Variants in DLEC1 observed in about 807,000 individuals in gnomAD.
DLEC1 encodes deleted in lung and esophageal cancer protein 1.
DLEC1 carries 146 observed loss-of-function variants against 198.1 expected under a neutral mutation model. That is an observed-to-expected ratio of 0.74 (90% confidence interval 0.64 to 0.85). DLEC1 has a LOEUF of 0.85. DLEC1 is among the 40% of genes least tolerant of loss of function. DLEC1 has a pLI of 0.00. For missense variants in DLEC1, 2,233 were observed against 2,220.0 expected, an observed-to-expected ratio of 1.01 and a Z score of -0.12; for synonymous variants, 897 against 866.8, an observed-to-expected ratio of 1.03 and a Z score of -0.61.
Position 38,097,244 on chromosome 3 carries a change from C to A in DLEC1, c.2403C>A (p.Ile801=). The change falls in exon 16 of 37, where the codon ATC becomes ATA. Residue 801 remains isoleucine, a synonymous_variant. Transcript: ENST00000308059. ...YLWGKISDCH[I]IEVEPGTGVI... is the part of the protein sequence containing the mutation. Reference sequence around the variant, plus strand: ...GGGGGAAGATCAGCGACTGCCACATCATTGAAGTGGAGCCCGGCACAGGGG... The same window carrying A: ...GGGGGAAGATCAGCGACTGCCACATAATTGAAGTGGAGCCCGGCACAGGGG... 2 of 1,586,584 alleles carry A rather than the reference C, an allele frequency of 1.3e-6. No individual in the cohort carries two copies. The highest frequency in any genetic ancestry group is 1.1e-5 in the South Asian group (1 of 87,264).
chr3:38,061,006 A>G (rs1463570588), intron 3 of DLEC1, among the ~76,000 whole-genome samples: 1 of 152,070 alleles, frequency 6.6e-6, no homozygotes, highest in East Asian at 1.9e-4. Context: ...TTTTAAAGTT[A>G]GTTGGAAACT....
rs373114002 is a variant in DLEC1, at chr3:38,084,226, A to G, written c.1242A>G (p.Pro414=). The G allele has an allele frequency of 5.6e-6, 9 of 1,612,600 alleles. No individual in the cohort carries two copies. The highest frequency in any genetic ancestry group is 1.7e-4 in the Middle Eastern group (1 of 6,044). ...RYLRVLPPST[P]YFALGLGMFP... Reference sequence around the variant, plus strand: ...TGCGAGTCCTCCCGCCTTCCACGCCATACTTCGCTCTGGGACTGGGTAAGT... The same window carrying G: ...TGCGAGTCCTCCCGCCTTCCACGCCGTACTTCGCTCTGGGACTGGGTAAGT... The change falls in exon 7 of 37, where the codon CCA becomes CCG. Residue 414 remains proline (P), a synonymous_variant. Coordinates refer to ENST00000308059, the MANE Select transcript of DLEC1 (RefSeq NM_007335.4).
chr3:38,077,400 C>T (rs1338169279), intron 6 of DLEC1, among the ~76,000 whole-genome samples: 1 of 152,208 alleles, frequency 6.6e-6, no homozygotes, highest in Non-Finnish European at 1.5e-5. Context: ...TACCTTGTAG[C>T]ATTCCGAGGA....
intron 2 of DLEC1, among the ~76,000 whole-genome samples, chr3:38,056,646 A>G (rs1251671173): frequency 6.6e-6 from 1 of 152,240 alleles, no homozygotes; most frequent in Admixed American, 6.5e-5. Context: ...ATTTTGAAAT[A>G]AAAAGTAAAA....
At chr3:38,092,081 G>C (rs1460247554) in intron 10 of DLEC1, among the ~76,000 whole-genome samples, 1 of 152,172 alleles carries the variant, frequency 6.6e-6, no homozygotes, top group Non-Finnish European at 1.5e-5. Flanking sequence ...GGGCTCAAAA[G>C]ATACCATTTA....
intron 6 of DLEC1, among the ~76,000 whole-genome samples, chr3:38,081,607 G>C (rs1410213125): frequency 9.6e-6 from 1 of 103,934 alleles, no homozygotes; most frequent in Non-Finnish European, 1.9e-5. Flanking sequence ...GCGGCTGGCC[G>C]GGCGGAGGGC....
intron 6 of DLEC1, among the ~76,000 whole-genome samples, chr3:38,077,037 A>G (rs996090056): frequency 2.6e-5 from 4 of 152,186 alleles, no homozygotes; most frequent in African/African-American, 9.7e-5. Context: ...TAAGAGAAGG[A>G]GAAAAACAGA....
intron 6 of DLEC1, among the ~76,000 whole-genome samples, chr3:38,074,377 G>C (rs1385042702): frequency 6.6e-6 from 1 of 152,230 alleles, no homozygotes; most frequent in Non-Finnish European, 1.5e-5. Context: ...AATGTCAGGA[G>C]TGGATTGGGT....
chr3:38,049,172 G>A (rs902879964), intron 2 of DLEC1, among the ~76,000 whole-genome samples: 1 of 151,858 alleles, frequency 6.6e-6, no homozygotes, highest in African/African-American at 2.4e-5. Context: ...TTTTACCCAA[G>A]AATGATATTA....
chr3:38,072,543 G>T (rs1243560595), intron 6 of DLEC1, among the ~76,000 whole-genome samples: 8 of 152,206 alleles, frequency 5.3e-5, no homozygotes, highest in African/African-American at 1.7e-4. Flanking sequence ...TAGAGTGGGG[G>T]CAGTCTCTAA....
At chr3:38,046,946 C>T (rs552854022) in intron 2 of DLEC1, among the ~76,000 whole-genome samples, 1 of 152,200 alleles carries the variant, frequency 6.6e-6, no homozygotes, top group Non-Finnish European at 1.5e-5. Flanking sequence ...GGGGATGGTT[C>T]TGTCTGATGC....
At chr3:38,104,104 AGC>A (rs1699446552) in intron 19 of DLEC1, among the ~76,000 whole-genome samples, 1 of 152,242 alleles carries the variant, frequency 6.6e-6, no homozygotes, top group African/African-American at 2.4e-5. Context: ...AGTACAATAA[AGC>A]AGAGCATAAT....
At position 38,116,846 on chromosome 3, in the gene DLEC1, G is replaced by A. The variant is rs1262000861; in HGVS notation, c.4136G>A (p.Gly1379Glu). ...LISVILQAHE[G>E]VPSGHLYCIS... ...TCAGTCATCCTGCAGGCACATGAGG[G>A]GGTGCCCTCCGGCCACCTGTACTGT... The change falls in exon 29 of 37, where the codon GGG becomes GAG. Residue 1379 changes from glycine to glutamate, a missense_variant. By Grantham distance (98) the Gly-to-Glu change is moderately conservative. Transcript: ENST00000308059. 9.9e-6 allele frequency: 16 copies of A among 1,613,746 alleles called. No homozygotes were observed. Among genetic ancestry groups the A allele is most frequent in the Non-Finnish European group, 1.4e-5 (16 of 1,179,866 alleles).
intron 6 of DLEC1, among the ~76,000 whole-genome samples, chr3:38,082,445 G>A (rs988064204): frequency 2.6e-5 from 4 of 151,930 alleles, no homozygotes; most frequent in Non-Finnish European, 5.9e-5. Context: ...CAAGGCAGGC[G>A]GCTGCTCCTT....
At chr3:38,082,529 G>A (rs1448683869) in intron 6 of DLEC1, among the ~76,000 whole-genome samples, 1 of 152,218 alleles carries the variant, frequency 6.6e-6, no homozygotes, top group Non-Finnish European at 1.5e-5. Flanking sequence ...AGGGGTCAGG[G>A]CACGGAAATA....
chr3:38,051,180 C>T (rs1308570513), intron 2 of DLEC1, among the ~76,000 whole-genome samples: 1 of 152,188 alleles, frequency 6.6e-6, no homozygotes, highest in East Asian at 1.9e-4. Flanking sequence ...GGATTACAGG[C>T]GTGAGCTACC....
intron 6 of DLEC1, among the ~76,000 whole-genome samples, chr3:38,073,074 G>A (rs529378523): frequency 1.3e-5 from 2 of 152,366 alleles, no homozygotes; most frequent in East Asian, 3.9e-4. Flanking sequence ...GGACTGATGG[G>A]TGACAGGGTC....
In DLEC1 at chr3:38,039,363, T is replaced by C. The variant is rs568554324; in HGVS notation, c.138T>C (p.Tyr46=). The C allele has an allele frequency of 1.2e-6, 2 of 1,614,196 alleles. No individual in the cohort carries two copies. The highest frequency in any genetic ancestry group is 1.3e-5 in the African/African-American group (1 of 75,074). The change falls in exon 1 of 37, where the codon TAT becomes TAC. Residue 46 remains tyrosine (Y), a synonymous_variant. Transcript: ENST00000308059. ...AGCCCACCTGGAAGTCCTCCTTGTATTCCTCCCTCGCCTACTCTGAGGCCT... is the reference window on the plus strand; with the variant it reads ...AGCCCACCTGGAAGTCCTCCTTGTACTCCTCCCTCGCCTACTCTGAGGCCT... ...PSQPTWKSSL[Y]SSLAYSEAFH...
chr3:38,063,836 C>T lies in DLEC1; in HGVS notation c.1095-5C>T. Reference sequence around the variant, plus strand: ...CCTTTCTCCCCCTCTTTTTTCATCCCACAGTTGTGCTGATACTCCAGTGTT... The same window carrying T: ...CCTTTCTCCCCCTCTTTTTTCATCCTACAGTTGTGCTGATACTCCAGTGTT... On this transcript the variant is annotated splice_polypyrimidine_tract_variant and splice_region_variant and intron_variant, in intron 5 of 36. Transcript: ENST00000308059. The T allele has an allele frequency of 6.2e-7, 1 of 1,611,890 alleles. No homozygotes were observed. The highest frequency in any genetic ancestry group is 1.1e-5 in the South Asian group (1 of 90,798).
Sources: allele counts gnomAD v4.1 joint callset (sites outside exome capture counted in the v4.1 genomes callset), GRCh38; gene constraint gnomAD v4.1.1; transcripts MANE v1.5; gene names NCBI Gene and HGNC (gene_info 2026-07-23, HGNC 2026-07-21).